The following C3 variants were observed in gnomAD, a reference collection of about 807,000 sequenced individuals.
C3 encodes the protein complement C3.
In C3, 97 loss-of-function variants were observed where a neutral mutation model predicts 207.9. That is an observed-to-expected ratio of 0.47 (90% CI 0.40 to 0.55). The LOEUF (loss-of-function observed/expected upper bound fraction) is 0.55. C3 is among the 20% of genes least tolerant of loss of function. C3 has a pLI of 0.00. For synonymous variants in C3, 848 were observed against 857.6 expected (o/e 0.99, Z 0.20); for missense variants, 1,684 against 2,171.7 (o/e 0.78, Z 4.46).
chr19:6,715,621 T>C (rs1213739717), intron 4 of C3, among the ~76,000 whole-genome samples: 1 of 69,998 alleles, frequency 1.4e-5, no homozygotes, highest in Non-Finnish European at 3.0e-5. Context: ...TTTTTTTTGT[T>C]TTTTTTGTTT....
At position 6,697,550 on chromosome 19, in the gene C3, C is replaced by T. The variant is rs1967565514; in HGVS notation, c.2590G>A (p.Val864Met). 1 of 1,613,806 alleles carries T rather than the reference C, an allele frequency of 6.2e-7. No individual in the cohort carries two copies. Among genetic ancestry groups the T allele is most frequent in the Non-Finnish European group, 8.5e-7 (1 of 1,179,946 alleles). Residue 864 changes from valine to methionine, a missense_variant, in exon 21 of 41, where the codon GTG (valine) becomes ATG (methionine). Physicochemically the swap from Val to Met is conservative, Grantham distance 21. Transcript: ENST00000245907. ...AAGGCTGGATTGTGGAGTAGTTCCACCCTCACCTGCCAGGGAGAGAAAGGA... is the reference window on the plus strand; with the variant it reads ...AAGGCTGGATTGTGGAGTAGTTCCATCCTCACCTGCCAGGGAGAGAAAGGA... ...YRQNQELKVR[V>M]ELLHNPAFCS...
Position 6,682,020 on chromosome 19 carries a change from C to T in C3, c.4271G>A (p.Gly1424Asp), listed in dbSNP as rs1196230506. 1 of 1,613,962 alleles carries T rather than the reference C, an allele frequency of 6.2e-7. No homozygotes were observed. The highest frequency in any genetic ancestry group is 2.2e-5 in the East Asian group (1 of 44,896). The change falls in exon 35 of 41, where the codon GGT (glycine) becomes GAT (aspartate). Residue 1424 changes from glycine (G) to aspartate (D), a missense_variant. Physicochemically the swap from Gly to Asp is moderately conservative, Grantham distance 94 (BLOSUM62 -1). Around this residue, in one of 3 missense-constraint regions of C3, gnomAD observed 346 missense variants for 380.1 expected, o/e 0.91. Coordinates refer to ENST00000245907, the MANE Select transcript of C3 (RefSeq NM_000064.4). ...ATACTTGGAGATGTATCTGTCAACA[C>T]CATTGGCCAGCTGGGGAAAGGTGGA... The part of the protein sequence containing the change: ...DTDDLKQLAN[G>D]VDRYISKYEL...
At chr19:6,718,207 A>G in intron 3 of C3, 40 bp downstream of exon 3, 7 of 1,614,012 alleles carry the variant, frequency 4.3e-6, no homozygotes, top group Middle Eastern at 1.6e-4. Context: ...TAGCCCGCCC[A>G]CGCCGGTGCC....
At position 6,711,000 on chromosome 19, in the gene C3, T is replaced by C. The variant is rs774047300; in HGVS notation, c.1466A>G (p.Tyr489Cys). Residue 489 changes from tyrosine to cysteine, a missense_variant, in exon 12 of 41, where the codon TAC becomes TGC. Tyr to Cys is a radical substitution (Grantham distance 194, BLOSUM62 -2). Transcript: ENST00000245907. ...MDRAHEAKIR[Y>C]YTYLIMNKGR... ...GTGGCCACGGACCAGGTAGGTGTAG[T>C]AGCGGATCTTGGCCTCGTGGGCGCG... 3 of 1,614,030 alleles carry C rather than the reference T, an allele frequency of 1.9e-6. No homozygotes were observed. Among genetic ancestry groups the C allele is most frequent in the Non-Finnish European group, 2.5e-6 (3 of 1,179,978 alleles).
At chr19:6,706,511 G>GTCT (rs1967776262) in intron 17 of C3, among the ~76,000 whole-genome samples, 1 of 152,076 alleles carries the variant, frequency 6.6e-6, no homozygotes, top group Admixed American at 6.6e-5. Context: ...CCCCTCTTCA[G>GTCT]ACCTGGGTCT....
Position 6,684,770 on chromosome 19 carries a change from C to T in C3, c.4029+5G>A. The T allele has an allele frequency of 6.2e-7, 1 of 1,614,164 alleles. No individual in the cohort carries two copies. The highest frequency in any genetic ancestry group is 1.1e-5 in the South Asian group (1 of 91,086). ...GCCAGGCAGGTGTGGGTTTCTGTTC[C>T]TTACCGACAAGGTGCCTTGGCCTTT... On this transcript the variant is annotated splice_donor_5th_base_variant and intron_variant, in intron 31 of 40. Transcript: ENST00000245907.
At chr19:6,709,611 T>TGGCCCCCCCCCCCCCCCCCCCC in intron 14 of C3, 73 bp downstream of exon 14, 1 of 1,109,440 alleles carries the variant, frequency 9.0e-7, no homozygotes, top group Non-Finnish European at 1.4e-6. Context: ...CCCTCTCCAG[T>TGGCCCCCCCCCCCCCCCCCCCC]CCCACCCACC....
At chr19:6,710,187 AG>A in intron 13 of C3, among the ~76,000 whole-genome samples, 1 of 107,796 alleles carries the variant, frequency 9.3e-6, no homozygotes, top group East Asian at 5.6e-4. Flanking sequence ...AGAGGGAGAG[AG>A]AGAGGGAAAG....
chr19:6,712,370 G>A lies in C3; in HGVS notation c.1156C>T (p.Arg386Ter). 3 of 1,614,130 alleles carry A rather than the reference G, an allele frequency of 1.9e-6. No homozygotes were observed. The highest frequency in any genetic ancestry group is 2.5e-6 in the Non-Finnish European group (3 of 1,180,006). The stretch of plus-strand genomic sequence containing the variant: ...TCGCCCTGGACTGCCACGGGGACTC[G>A]GTAGGCTGGAGAGCCATCAGGGTTC... ...VTNPDGSPAY[R>*]VPVAVQGEDT... The change falls in exon 11 of 41, where the codon CGA becomes TGA. Residue 386 changes from arginine to a stop codon, truncating the protein, a stop_gained. Coordinates refer to ENST00000245907, the MANE Select transcript of C3 (RefSeq NM_000064.4). LOFTEE classifies it high-confidence loss of function.
At chr19:6,693,207 C>CCCCAGGA in intron 25 of C3, 124 bp from the exon 26 acceptor site, 2 of 1,228,306 alleles carry the variant, frequency 1.6e-6, no homozygotes, top group Non-Finnish European at 2.4e-6. Context: ...CCTTCCCAGG[C>CCCCAGGA]CCCAGGACCC....
In C3 at chr19:6,684,154, C is replaced by T. The variant is rs543371934; in HGVS notation, c.4172+234G>A. 6.5e-6 allele frequency: 4 copies of T among 610,864 alleles called. No individual in the cohort carries two copies. In the East Asian group the frequency reaches 8.7e-5, roughly 13 times the overall value. 37.8% of individuals were successfully genotyped at this position (610,864 alleles called of 1,614,324 possible). ...TCATGGAATGATTGTGTACTTTCCT[C>T]CATTGATTACTAAGATGCTTTGACA... On this transcript the variant is annotated intron_variant, in intron 33 of 40. Coordinates refer to ENST00000245907, the MANE Select transcript of C3 (RefSeq NM_000064.4).
At chr19:6,717,729 G>GTGTATGTTGTGTATTGTGTTT in intron 4 of C3, 1 of 348,080 alleles carries the variant, frequency 2.9e-6, no homozygotes, top group Non-Finnish European at 5.2e-6. Context: ...GTATTGTGTT[G>GTGTATGTTGTGTATTGTGTTT]TGTGTGTTGT....
At chr19:6,682,073 T>C in intron 34 of C3, 43 bp from the exon 35 acceptor site, 1 of 1,601,912 alleles carries the variant, frequency 6.2e-7, no homozygotes, top group African/African-American at 1.3e-5. Context: ...CCTGGACCCC[T>C]CTCTCCCTGC....
chr19:6,680,795 GCA>G (rs1568209961), intron 35 of C3, among the ~76,000 whole-genome samples: 2 of 152,172 alleles, frequency 1.3e-5, no homozygotes, highest in African/African-American at 4.8e-5. Context: ...TCAGGAGTTA[GCA>G]GGGAGGATAT....
rs780884558 is a variant in C3 at position 6,696,605 on chromosome 19, G to A, written c.2851C>T (p.Arg951Cys). 6 of 1,613,976 alleles carry A rather than the reference G, an allele frequency of 3.7e-6. No homozygotes were observed. Among genetic ancestry groups the A allele is most frequent in the East Asian group, 2.2e-5 (1 of 44,876 alleles). The stretch of plus-strand genomic sequence containing the variant: ...GCAGCCGACTCACCACGGCCCAGGC[G>A]TTCTGGATCCAGGGTGCGAACAGCC... ...TVAVRTLDPE[R>C]LGREGVQKED... Residue 951 changes from arginine to cysteine, a missense_variant, in exon 22 of 41, where the codon CGC (arginine) becomes TGC (cysteine). Around this residue, in one of 3 missense-constraint regions of C3, gnomAD observed 1,280 missense variants for 1,739.1 expected, o/e 0.74. Coordinates refer to ENST00000245907, the MANE Select transcript of C3 (RefSeq NM_000064.4).
chr19:6,679,235 T>G (rs778120984), intron 37 of C3, 27 bp from the exon 38 acceptor site: 17 of 1,593,020 alleles, frequency 1.1e-5, no homozygotes, highest in African/African-American at 1.3e-5. Flanking sequence ...AGACAGGGTC[T>G]AAGTCCCACT....
At position 6,713,396 on chromosome 19, in the gene C3, G is replaced by C. The variant is rs202057992; in HGVS notation, c.876+11C>G. The C allele has an allele frequency of 1.2e-6, 2 of 1,613,700 alleles. No individual in the cohort carries two copies. The highest frequency in any genetic ancestry group is 1.7e-6 in the Non-Finnish European group (2 of 1,179,698). ...TGGGGCAGGGATCAAAGCGGCCTCC[G>C]TCTATGGTACCGGAATGCGCTTGAG... is the stretch of plus-strand genomic sequence containing the variant. On this transcript the variant is annotated intron_variant, in intron 8 of 40. Coordinates refer to ENST00000245907, the MANE Select transcript of C3 (RefSeq NM_000064.4).
In C3 at chr19:6,682,229, C is replaced by T; in HGVS notation, c.4173G>A (p.Arg1391=). Reference sequence around the variant, plus strand: ...TAGTGGCATCCTGGTCTCCCCGGTACCTGGATAGTGCAGAAAGAAGGGCAT... The same window carrying T: ...TAGTGGCATCCTGGTCTCCCCGGTATCTGGATAGTGCAGAAAGAAGGGCAT... ...KNTMILEICT[R]YRGDQDATMS... Residue 1391 remains arginine (R), a splice_region_variant and synonymous_variant, in exon 34 of 41, where the codon AGG becomes AGA. Coordinates refer to ENST00000245907, the MANE Select transcript of C3 (RefSeq NM_000064.4). 1 of 1,612,582 alleles carries T rather than the reference C, an allele frequency of 6.2e-7. No homozygotes were observed. Among genetic ancestry groups the T allele is most frequent in the Non-Finnish European group, 8.5e-7 (1 of 1,178,602 alleles).
At chr19:6,697,056 A>AAAAAAAAAAAAAAT (rs1568217213) in intron 21 of C3, among the ~76,000 whole-genome samples, 1 of 84,480 alleles carries the variant, frequency 1.2e-5, no homozygotes, top group Non-Finnish European at 2.3e-5. Flanking sequence ...AAATAAACAA[A>AAAAAAAAAAAAAAT]CAAATAAATA....
Sources: gnomAD v4.1 joint callset for allele counts (sites outside exome capture counted in the v4.1 genomes callset) on GRCh38, gnomAD v4.1.1 for gene constraint, gnomAD v4.1.1 regional missense constraint, MANE v1.5 for transcripts, NCBI Gene and HGNC (gene_info 2026-07-23, HGNC 2026-07-21) for gene names.